The following ADAMTS19 variants were observed in gnomAD, a reference collection of about 807,000 sequenced individuals.
ADAMTS19 encodes the protein ADAM metallopeptidase with thrombospondin type 1 motif 19, also known as A disintegrin and metalloproteinase with thrombospondin motifs 19.
ADAMTS19 carries 93 observed loss-of-function variants against 153.3 expected under a neutral mutation model. That is an observed-to-expected ratio of 0.61 (90% CI 0.51 to 0.72). The LOEUF is 0.72. Ranked by LOEUF, ADAMTS19 falls within the 30% of genes least tolerant of loss-of-function variation. ADAMTS19 has a pLI of 0.00. For missense variants in ADAMTS19, 1,482 were observed against 1,552.1 expected (o/e 0.95, Z 0.76); for synonymous variants, 600 against 556.6 (o/e 1.08, Z -1.10).
At chr5:129,708,567 A>G (rs1347645259) in intron 21 of ADAMTS19, among the ~76,000 whole-genome samples, 1 of 125,956 alleles carries the variant, frequency 7.9e-6, no homozygotes, top group East Asian at 2.5e-4. Flanking sequence ...CCTGATTTTC[A>G]TTACTGGAGA....
intron 10 of ADAMTS19, among the ~76,000 whole-genome samples, chr5:129,626,763 T>C (rs971826968): frequency 1.3e-5 from 2 of 152,142 alleles, no homozygotes; most frequent in African/African-American, 4.8e-5. Context: ...TCAAAGATCC[T>C]ACCTCCATGG....
At chr5:129,480,889 G>A (rs1365254463) in intron 2 of ADAMTS19, among the ~76,000 whole-genome samples, 1 of 152,002 alleles carries the variant, frequency 6.6e-6, no homozygotes, top group Non-Finnish European at 1.5e-5. Context: ...TAAGAAGGAA[G>A]GACAAAACTG....
chr5:129,482,886 T>C (rs528126135), intron 2 of ADAMTS19, among the ~76,000 whole-genome samples: 80 of 152,326 alleles, frequency 5.3e-4, no homozygotes, highest in African/African-American at 1.8e-3. Context: ...TACAAAATTA[T>C]CCTTTTAGGA....
chr5:129,706,001 TG>T (rs1008403101), intron 21 of ADAMTS19, among the ~76,000 whole-genome samples: 16 of 152,332 alleles, frequency 1.1e-4, no homozygotes, highest in African/African-American at 3.8e-4. Context: ...CAGGAGGTTT[TG>T]GTTACATGGA....
intron 7 of ADAMTS19, among the ~76,000 whole-genome samples, chr5:129,576,817 A>T (rs113038840): frequency 1.1e-4 from 16 of 152,206 alleles, no homozygotes; most frequent in African/African-American, 3.8e-4. Context: ...AGTGCAACTT[A>T]AGCATATTGG....
At chr5:129,631,321 TG>T (rs138236640) in intron 10 of ADAMTS19, among the ~76,000 whole-genome samples, 24,774 of 151,784 alleles carry the variant, frequency 0.16, 2,244 homozygotes, top group East Asian at 0.31. Flanking sequence ...TTTGACAGAA[TG>T]CATTTCCACA....
intron 16 of ADAMTS19, among the ~76,000 whole-genome samples, chr5:129,678,514 G>A (rs1276628793): frequency 6.6e-6 from 1 of 151,794 alleles, no homozygotes; most frequent in Non-Finnish European, 1.5e-5. Flanking sequence ...TTTGAATGTT[G>A]CCTGAGTTAT....
At chr5:129,553,951 G>T (rs1753223963) in intron 7 of ADAMTS19, among the ~76,000 whole-genome samples, 1 of 151,940 alleles carries the variant, frequency 6.6e-6, no homozygotes, top group Admixed American at 6.6e-5. Flanking sequence ...AAAATATTTT[G>T]TCTAAATAAA....
chr5:129,526,380 T>C lies in ADAMTS19; in HGVS notation c.1010T>C (p.Val337Ala), dbSNP rs779035830. 1 of 1,605,508 alleles carries C rather than the reference T, an allele frequency of 6.2e-7. No individual in the cohort carries two copies. Among genetic ancestry groups the C allele is most frequent in the South Asian group, 1.1e-5 (1 of 89,782 alleles). Residue 337 changes from valine to alanine, a missense_variant, in exon 4 of 23, where the codon GTG (valine) becomes GCG (alanine). Around this residue, in one of 2 missense-constraint regions of ADAMTS19, gnomAD observed 866 missense variants for 827.7 expected, o/e 1.05. Coordinates refer to ENST00000274487, the MANE Select transcript of ADAMTS19 (RefSeq NM_133638.6). ...CAAGAATACAACATAGAGACTGTAG[T>C]GGTTGCAGACCCAGCAATGGTTTCC... is the stretch of plus-strand genomic sequence containing the variant. The part of the protein sequence containing the change: ...LPQEYNIETV[V>A]VADPAMVSYH...
At chr5:129,555,687 C>T (rs1753288045) in intron 7 of ADAMTS19, among the ~76,000 whole-genome samples, 1 of 152,116 alleles carries the variant, frequency 6.6e-6, no homozygotes, top group Non-Finnish European at 1.5e-5. Flanking sequence ...CTGTTATTCC[C>T]CATGGAGAGG....
At chr5:129,598,591 C>T (rs901328185) in intron 8 of ADAMTS19, among the ~76,000 whole-genome samples, 1 of 152,058 alleles carries the variant, frequency 6.6e-6, no homozygotes, top group Non-Finnish European at 1.5e-5. Flanking sequence ...TTTTAATTGA[C>T]CAAAATTTAC....
At chr5:129,510,707 T>C (rs1185912084) in intron 3 of ADAMTS19, among the ~76,000 whole-genome samples, 1 of 151,882 alleles carries the variant, frequency 6.6e-6, no homozygotes, top group Non-Finnish European at 1.5e-5. Flanking sequence ...CCAGCTGTTC[T>C]AATTACTCAT....
intron 3 of ADAMTS19, among the ~76,000 whole-genome samples, chr5:129,522,675 A>G (rs562495775): frequency 2.6e-5 from 4 of 152,144 alleles, no homozygotes; most frequent in Middle Eastern, 3.4e-3. Context: ...GTTTCCAGCA[A>G]CAGTGGTGGG....
chr5:129,666,250 A>T (rs1754050725), intron 16 of ADAMTS19, among the ~76,000 whole-genome samples: 1 of 152,120 alleles, frequency 6.6e-6, no homozygotes, highest in South Asian at 2.1e-4. Flanking sequence ...ATACGTGCTC[A>T]TATGTTAAAG....
At chr5:129,668,567 C>G (rs148342100) in intron 16 of ADAMTS19, among the ~76,000 whole-genome samples, 1 of 152,032 alleles carries the variant, frequency 6.6e-6, no homozygotes, top group Non-Finnish European at 1.5e-5. Flanking sequence ...ATAAGGGCAG[C>G]GCTCTTATGA....
intron 8 of ADAMTS19, among the ~76,000 whole-genome samples, chr5:129,600,832 T>C (rs544098641): frequency 6.6e-6 from 1 of 150,390 alleles, no homozygotes; most frequent in African/African-American, 2.5e-5. Flanking sequence ...AGAACAATTT[T>C]GCTTCCTAAA....
intron 21 of ADAMTS19, among the ~76,000 whole-genome samples, chr5:129,732,397 G>A (rs1422315960): frequency 6.6e-6 from 1 of 152,026 alleles, no homozygotes; most frequent in African/African-American, 2.4e-5. Flanking sequence ...TGTGTTTGCT[G>A]ATAATAAGTT....
Position 129,460,356 on chromosome 5 carries a change from G to T in ADAMTS19, c.-36G>T. On this transcript the variant is annotated 5_prime_UTR_variant, in exon 1 of 23. Transcript: ENST00000274487. ...CCGGAGTGGATCGCGCTGGAGGCGT[G>T]CGCCGGGCGAGAAGCCGCGGCCGCG... 8.8e-6 allele frequency: 14 copies of T among 1,589,870 alleles called. 1 individual carries two copies. The South Asian group carries it at 1.2e-4, about 14-fold the overall frequency.
intron 16 of ADAMTS19, among the ~76,000 whole-genome samples, chr5:129,666,590 G>A (rs1754064113): frequency 6.6e-6 from 1 of 151,984 alleles, no homozygotes; most frequent in African/African-American, 2.4e-5. Context: ...TTGAAGTCTA[G>A]GACTAGAAAA....
Sources: allele counts gnomAD v4.1 joint callset (sites outside exome capture counted in the v4.1 genomes callset), GRCh38; gene constraint gnomAD v4.1.1; regional missense constraint gnomAD v4.1.1; transcripts MANE v1.5; gene names NCBI Gene and HGNC (gene_info 2026-07-23, HGNC 2026-07-21).